LRRC37A2: variants seen among roughly 807,000 people sequenced by gnomAD.
LRRC37A2 encodes the protein leucine-rich repeat-containing protein 37A2.
LRRC37A2 carries 9 observed loss-of-function variants against 68.8 expected under a neutral mutation model. That is an observed-to-expected ratio of 0.13 (90% CI 0.08 to 0.23). The LOEUF is 0.23. LRRC37A2 is among the 10% of genes least tolerant of loss of function. The probability of loss-of-function intolerance (pLI) is 1.00; values close to 1 mark genes in which losing one functional copy is unlikely to be tolerated. For synonymous variants in LRRC37A2, 63 were observed against 367.6 expected, an observed-to-expected ratio of 0.17 and a Z score of 9.48; for missense variants, 168 against 950.4, an observed-to-expected ratio of 0.18 and a Z score of 10.82.
chr17:46,920,045 A>G, the LRRC37A2 span, among the ~76,000 whole-genome samples: 2 of 152,196 alleles, frequency 1.3e-5, no homozygotes, highest in African/African-American at 4.8e-5. Flanking sequence ...ATCCAGCCAG[A>G]GGAGATTCAT....
chr17:47,006,429 T>C, the LRRC37A2 span, among the ~76,000 whole-genome samples: 1 of 151,898 alleles, frequency 6.6e-6, no homozygotes, highest in African/African-American at 2.4e-5. Flanking sequence ...CTCGCCAACA[T>C]GACAAAACCC....
chr17:47,006,509 G>A, the LRRC37A2 span, among the ~76,000 whole-genome samples: 1 of 152,188 alleles, frequency 6.6e-6, no homozygotes, highest in Non-Finnish European at 1.5e-5. Context: ...CTACTCGGGA[G>A]GCTGAGGCAT....
chr17:47,021,913 C>A, the LRRC37A2 span: 51 of 1,517,298 alleles, frequency 3.4e-5, no homozygotes, highest in Admixed American at 5.0e-5. Flanking sequence ...ACAGTTGGAC[C>A]GAGAAACTGT....
the LRRC37A2 span, among the ~76,000 whole-genome samples, chr17:46,817,997 G>C: frequency 6.6e-6 from 1 of 152,058 alleles, no homozygotes; most frequent in Non-Finnish European, 1.5e-5. Context: ...CCCCTGCCCC[G>C]GGAGGAGCCC....
chr17:46,931,505 G>C, the LRRC37A2 span: 31 of 455,626 alleles, frequency 6.8e-5, no homozygotes, highest in Non-Finnish European at 1.2e-4. Context: ...GAAGCCTAAT[G>C]TTGCCATGGA....
chr17:46,937,016 AGTT>A, the LRRC37A2 span: 1 of 164,882 alleles, frequency 6.1e-6, no homozygotes, highest in African/African-American at 2.4e-5. Context: ...CATGCATATA[AGTT>A]GCAGTGGGTG....
chr17:47,028,274 T>C, the LRRC37A2 span: 7 of 1,481,694 alleles, frequency 4.7e-6, no homozygotes, highest in African/African-American at 1.4e-5. Flanking sequence ...TCTTTTTTTT[T>C]TTTAGAAATC....
the LRRC37A2 span, among the ~76,000 whole-genome samples, chr17:46,765,774 T>TG: frequency 6.6e-6 from 1 of 152,228 alleles, no homozygotes; most frequent in African/African-American, 2.4e-5. Context: ...TGTGAGCAGC[T>TG]GGGTCCTGGG....
At chr17:46,923,048 A>C in the LRRC37A2 span, 1 of 680,826 alleles carries the variant, frequency 1.5e-6, no homozygotes, top group Non-Finnish European at 2.7e-6. Context: ...TCTCGCAACC[A>C]CTGCTAGTAA....
At chr17:46,771,990 G>A in the LRRC37A2 span, among the ~76,000 whole-genome samples, 3 of 150,782 alleles carry the variant, frequency 2.0e-5, no homozygotes, top group South Asian at 6.2e-4. Context: ...CAGACTCGCG[G>A]AAGACGCGCG....
chr17:46,979,162 G>C, the LRRC37A2 span: 3 of 809,834 alleles, frequency 3.7e-6, no homozygotes, highest in Non-Finnish European at 3.4e-6. Flanking sequence ...GCGCGCTCTC[G>C]GGCCGCCTAC....
At chr17:47,015,157 G>T in the LRRC37A2 span, among the ~76,000 whole-genome samples, 1 of 151,492 alleles carries the variant, frequency 6.6e-6, no homozygotes, top group Admixed American at 6.6e-5. Flanking sequence ...ATAGACACGC[G>T]TCACCACACT....
At chr17:46,708,819 TATA>T in the LRRC37A2 span, among the ~76,000 whole-genome samples, 3 of 109,374 alleles carry the variant, frequency 2.7e-5, no homozygotes, top group Non-Finnish European at 3.5e-5. Flanking sequence ...TATATATATA[TATA>T]TTTTTTTTTT....
At chr17:46,944,035 T>G in the LRRC37A2 span, among the ~76,000 whole-genome samples, 6 of 152,188 alleles carry the variant, frequency 3.9e-5, no homozygotes, top group Non-Finnish European at 8.8e-5. Context: ...CCACTGGCCC[T>G]TCCTTCCAGG....
chr17:46,631,084 A>ACACACACACACACACACGCG, the LRRC37A2 span, among the ~76,000 whole-genome samples: 3 of 145,678 alleles, frequency 2.1e-5, no homozygotes, highest in East Asian at 3.9e-4. Flanking sequence ...ACACACACAC[A>ACACACACACACACACACGCG]CACACACACA....
At chr17:46,671,887 G>A in the LRRC37A2 span, among the ~76,000 whole-genome samples, 1 of 144,560 alleles carries the variant, frequency 6.9e-6, no homozygotes, top group East Asian at 1.9e-4. Context: ...TCTTGCAAAT[G>A]TATTTTTTTT....
the LRRC37A2 span, among the ~76,000 whole-genome samples, chr17:46,710,590 C>T: frequency 1.2e-4 from 19 of 152,144 alleles, no homozygotes; most frequent in Admixed American, 5.2e-4. Context: ...TTGTCTATTG[C>T]GCTGTTTCTA....
chr17:46,986,140 G>A, the LRRC37A2 span, among the ~76,000 whole-genome samples: 1 of 152,050 alleles, frequency 6.6e-6, no homozygotes, highest in East Asian at 1.9e-4. Context: ...GGTGGGGCAA[G>A]GGGGGGATGC....
the LRRC37A2 span, among the ~76,000 whole-genome samples, chr17:46,610,007 C>CTCTTTCTTTCTTTCTT: frequency 1.5e-3 from 181 of 116,822 alleles, 2 homozygotes; most frequent in African/African-American, 5.6e-3. Flanking sequence ...CTTTCTTTCT[C>CTCTTTCTTTCTTTCTT]TCTTTCTTTC....
Sources: allele counts gnomAD v4.1 joint callset (sites outside exome capture counted in the v4.1 genomes callset), GRCh38; gene constraint gnomAD v4.1.1; transcripts MANE v1.5; gene names NCBI Gene and HGNC (gene_info 2026-07-23, HGNC 2026-07-21).